NBAS: variants seen among roughly 807,000 people sequenced by gnomAD.
NBAS encodes NBAS subunit of NRZ tethering complex, also known as NAG/BC035112 fusion.
In NBAS, 219 loss-of-function variants were observed where a neutral mutation model predicts 302.5. The ratio of observed to expected loss-of-function variants is 0.72; its 90% CI spans 0.65 to 0.81. The LOEUF (loss-of-function observed/expected upper bound fraction) is 0.81. Ranked by LOEUF, NBAS falls within the 30% of genes least tolerant of loss-of-function variation. The pLI, the probability that NBAS is intolerant of heterozygous loss-of-function variation, is 0.00. For synonymous variants in NBAS, 1,118 were observed against 1,021.6 expected (o/e 1.09, Z -1.80); for missense variants, 2,932 against 2,841.6 (o/e 1.03, Z -0.72).
the NBAS span, among the ~76,000 whole-genome samples, chr2:15,002,803 C>T: frequency 6.6e-6 from 1 of 152,230 alleles, no homozygotes; most frequent in Non-Finnish European, 1.5e-5. Context: ...TTGCCCAGGG[C>T]CGGCAGGGCG....
At chr2:14,893,689 G>A in the NBAS span, among the ~76,000 whole-genome samples, 9 of 152,302 alleles carry the variant, frequency 5.9e-5, no homozygotes, top group South Asian at 6.2e-4. Flanking sequence ...GAAGGCAGCC[G>A]TGGGAAATCA....
chr2:15,237,771 A>ATTTTT (rs765648566), intron 45 of NBAS, among the ~76,000 whole-genome samples: 3 of 66,556 alleles, frequency 4.5e-5, no homozygotes, highest in African/African-American at 1.8e-4. Context: ...TAATGTTTGT[A>ATTTTT]TTTTTTTTTT....
At chr2:15,166,600 G>A (rs1258517393), downstream of NBAS, among the ~76,000 whole-genome samples, 2 of 152,098 alleles carry the variant, frequency 1.3e-5, no homozygotes, top group Non-Finnish European at 2.9e-5. Context: ...GTTCAAAGAG[G>A]TGGAAGAATT....
At chr2:14,911,159 C>T in the NBAS span, among the ~76,000 whole-genome samples, 4 of 152,278 alleles carry the variant, frequency 2.6e-5, no homozygotes, top group African/African-American at 9.6e-5. Flanking sequence ...TTATCGAAAG[C>T]AAATTTTTGA....
intron 43 of NBAS, 40 bp downstream of exon 43, chr2:15,276,811 T>C (rs1271056457): frequency 3.1e-6 from 5 of 1,613,576 alleles, no homozygotes; most frequent in Admixed American, 1.7e-5. Context: ...CCAGATTTAA[T>C]TGAAAAGAAT....
Position 15,461,777 on chromosome 2 carries a change from C to A in NBAS, c.2112G>T (p.Val704=). The part of the protein sequence containing the change: ...RLATYEEILG[V]PHASEQRYDA... ...CATATCTCTGTTCAGATGCATGAGGCACTCCTAGGATTTCCTGAGGGGAAA... is the reference window on the plus strand; with the variant it reads ...CATATCTCTGTTCAGATGCATGAGGAACTCCTAGGATTTCCTGAGGGGAAA... Residue 704 remains valine (V), a synonymous_variant, in exon 20 of 52, where the codon GTG becomes GTT. Transcript: ENST00000281513. The A allele has an allele frequency of 6.3e-7, 1 of 1,596,282 alleles. No homozygotes were observed. The highest frequency in any genetic ancestry group is 8.6e-7 in the Non-Finnish European group (1 of 1,164,822).
chr2:15,296,548 A>AC (rs1383082012), intron 40 of NBAS, among the ~76,000 whole-genome samples: 3 of 151,884 alleles, frequency 2.0e-5, no homozygotes, highest in Non-Finnish European at 4.4e-5. Flanking sequence ...ACAAAACAAA[A>AC]AAAAAAACTT....
At chr2:15,351,383 T>C (rs1673347561) in intron 35 of NBAS, among the ~76,000 whole-genome samples, 1 of 152,078 alleles carries the variant, frequency 6.6e-6, no homozygotes, top group African/African-American at 2.4e-5. Context: ...AAGTTAGGAA[T>C]GAAATACGGA....
At chr2:14,975,595 T>C in the NBAS span, among the ~76,000 whole-genome samples, 1 of 152,206 alleles carries the variant, frequency 6.6e-6, no homozygotes, top group East Asian at 1.9e-4. Context: ...TCTCATTTTT[T>C]CAGATGACTA....
At chr2:15,061,211 C>T in the NBAS span, among the ~76,000 whole-genome samples, 1 of 152,258 alleles carries the variant, frequency 6.6e-6, no homozygotes, top group African/African-American at 2.4e-5. Flanking sequence ...TGTGTGTGCA[C>T]ACACACATAC....
At chr2:15,560,881 A>C (rs1459563918) in intron 1 of NBAS, among the ~76,000 whole-genome samples, 1 of 151,986 alleles carries the variant, frequency 6.6e-6, no homozygotes, top group Non-Finnish European at 1.5e-5. Context: ...GACACTAACA[A>C]TCCCCTCTCC....
Position 15,473,219 on chromosome 2 carries a change from T to C in NBAS, c.1725+3A>G, listed in dbSNP as rs377306349. The C allele has an allele frequency of 2.9e-5, 47 of 1,613,650 alleles. No homozygotes were observed. In the Middle Eastern group the frequency reaches 9.9e-4, roughly 34 times the overall value. ...ACCACATTACCAAAATATTTAAACA[T>C]ACCAAATAATTCTGAATTGAAGCAA... On this transcript the variant is annotated splice_donor_region_variant and intron_variant, in intron 16 of 51. Coordinates refer to ENST00000281513, the MANE Select transcript of NBAS (RefSeq NM_015909.4).
At chr2:14,854,077 A>G in the NBAS span, among the ~76,000 whole-genome samples, 10 of 148,002 alleles carry the variant, frequency 6.8e-5, no homozygotes, top group African/African-American at 2.5e-4. Flanking sequence ...TATAATAAAA[A>G]ATAATAATAA....
chr2:15,092,441 A>AG, the NBAS span, among the ~76,000 whole-genome samples: 1 of 152,226 alleles, frequency 6.6e-6, no homozygotes, highest in Non-Finnish European at 1.5e-5. Flanking sequence ...AAACAAAGGA[A>AG]GGGACTTGGA....
intron 48 of NBAS, among the ~76,000 whole-genome samples, chr2:15,202,549 T>C (rs932928259): frequency 4.7e-5 from 6 of 127,654 alleles, no homozygotes; most frequent in African/African-American, 2.0e-4. Flanking sequence ...TATTTATTTA[T>C]TTATTTAGAG....
chr2:15,497,571 C>A (rs751634811), intron 11 of NBAS, among the ~76,000 whole-genome samples: 1 of 152,092 alleles, frequency 6.6e-6, no homozygotes. Context: ...AAATGAGAAG[C>A]TATCAGAGTT....
At chr2:15,470,238 G>C (rs1034271389) in intron 16 of NBAS, among the ~76,000 whole-genome samples, 1 of 152,096 alleles carries the variant, frequency 6.6e-6, no homozygotes, top group African/African-American at 2.4e-5. Context: ...CCCCAAGCAA[G>C]GTTTCCTACC....
intron 40 of NBAS, among the ~76,000 whole-genome samples, chr2:15,306,320 A>G (rs1671032833): frequency 6.6e-6 from 1 of 152,256 alleles, no homozygotes; most frequent in African/African-American, 2.4e-5. Context: ...AAAACAAAGT[A>G]ACACCTTAGG....
At chr2:15,363,000 A>G (rs1326743548) in intron 32 of NBAS, among the ~76,000 whole-genome samples, 1 of 152,140 alleles carries the variant, frequency 6.6e-6, no homozygotes, top group South Asian at 2.1e-4. Flanking sequence ...CGACAGGTGA[A>G]TTGCTTGAGC....
Sources: gnomAD v4.1 joint callset for allele counts (sites outside exome capture counted in the v4.1 genomes callset) on GRCh38, gnomAD v4.1.1 for gene constraint, MANE v1.5 for transcripts, NCBI Gene and HGNC (gene_info 2026-07-23, HGNC 2026-07-21) for gene names.